The following ATP6V1C1 variants were observed in gnomAD, a reference collection of about 807,000 sequenced individuals.
ATP6V1C1 encodes V-type proton ATPase subunit C 1.
Under a neutral mutation model 53.9 loss-of-function variants are expected in ATP6V1C1, and 45 were observed. The ratio of observed to expected loss-of-function variants is 0.83; its 90% confidence interval spans 0.66 to 1.07. ATP6V1C1 has a LOEUF of 1.07. Ranked by LOEUF, ATP6V1C1 falls within the 50% of genes least tolerant of loss-of-function variation. The pLI is 0.00. For synonymous variants in ATP6V1C1, 153 were observed against 155.2 expected (o/e 0.99, Z 0.11); for missense variants, 315 against 440.3 (o/e 0.72, Z 2.55).
At chr8:103,048,796 T>TA in intron 3 of ATP6V1C1, 74 bp from the exon 4 acceptor site, 1 of 1,256,294 alleles carries the variant, frequency 8.0e-7, no homozygotes, top group South Asian at 1.3e-5. Context: ...TGTCTTTATG[T>TA]AATATGTTCA....
chr8:103,021,602 G>T (rs1306259061), intron 1 of ATP6V1C1, among the ~76,000 whole-genome samples: 3 of 140,402 alleles, frequency 2.1e-5, no homozygotes, highest in Admixed American at 7.1e-5. Flanking sequence ...CACAGCTAGC[G>T]CAAGTGCCTT....
intron 1 of ATP6V1C1, among the ~76,000 whole-genome samples, chr8:103,021,949 C>T (rs954897746): frequency 1.5e-4 from 23 of 152,142 alleles, no homozygotes; most frequent in Admixed American, 1.4e-3. Context: ...GGAAAAATCA[C>T]ATGCTTCAGT....
At chr8:103,036,381 G>A (rs1816899738) in intron 1 of ATP6V1C1, among the ~76,000 whole-genome samples, 1 of 152,108 alleles carries the variant, frequency 6.6e-6, no homozygotes, top group Non-Finnish European at 1.5e-5. Flanking sequence ...TAGGCTCTAG[G>A]GAGGTCTCAG....
chr8:103,060,421 T>C (rs1228512386), intron 8 of ATP6V1C1, among the ~76,000 whole-genome samples: 1 of 152,254 alleles, frequency 6.6e-6, no homozygotes, highest in Non-Finnish European at 1.5e-5. Context: ...GAAACTCCTT[T>C]GAATCCCCTC....
intron 2 of ATP6V1C1, among the ~76,000 whole-genome samples, chr8:103,041,597 C>T (rs1456177342): frequency 6.6e-6 from 1 of 152,048 alleles, no homozygotes; most frequent in Non-Finnish European, 1.5e-5. Flanking sequence ...CTTGGTGGGG[C>T]ATCATGGCTC....
intron 8 of ATP6V1C1, among the ~76,000 whole-genome samples, chr8:103,060,751 G>A (rs1035469465): frequency 1.3e-5 from 2 of 152,142 alleles, no homozygotes; most frequent in African/African-American, 4.8e-5. Context: ...TGGCATAGTA[G>A]GATTTAGTTA....
chr8:103,050,101 A>C (rs1013312678), intron 4 of ATP6V1C1, among the ~76,000 whole-genome samples: 1 of 152,180 alleles, frequency 6.6e-6, no homozygotes, highest in Admixed American at 6.5e-5. Context: ...CTGCTCAATA[A>C]ATTTTTAATC....
chr8:103,043,016 G>A (rs1451611106), intron 3 of ATP6V1C1, among the ~76,000 whole-genome samples: 4 of 151,990 alleles, frequency 2.6e-5, no homozygotes, highest in Non-Finnish European at 5.9e-5. Flanking sequence ...CGTTTATTTT[G>A]TTTCCACTTT....
intron 4 of ATP6V1C1, among the ~76,000 whole-genome samples, chr8:103,049,715 T>A (rs1472837255): frequency 6.6e-6 from 1 of 152,060 alleles, no homozygotes; most frequent in Non-Finnish European, 1.5e-5. Flanking sequence ...GGCAGGAGGA[T>A]CTCTTGAGTG....
At chr8:103,040,492 C>G (rs1816979184) in intron 1 of ATP6V1C1, among the ~76,000 whole-genome samples, 1 of 151,848 alleles carries the variant, frequency 6.6e-6, no homozygotes, top group Admixed American at 6.6e-5. Flanking sequence ...CTATTGGTGG[C>G]TGGTATTTTG....
intron 12 of ATP6V1C1, 84 bp downstream of exon 12, chr8:103,066,531 AG>A: frequency 1.4e-6 from 2 of 1,383,982 alleles, no homozygotes; most frequent in Non-Finnish European, 1.9e-6. Flanking sequence ...CAGAAAAGGG[AG>A]GGTAAGTATG....
chr8:103,057,470 G>A (rs988175747), intron 8 of ATP6V1C1, among the ~76,000 whole-genome samples: 1 of 152,206 alleles, frequency 6.6e-6, no homozygotes, highest in Non-Finnish European at 1.5e-5. Flanking sequence ...CATCTGCCAT[G>A]CAGGAAAGGT....
intron 8 of ATP6V1C1, among the ~76,000 whole-genome samples, chr8:103,062,032 G>C (rs1323984627): frequency 6.6e-6 from 1 of 152,118 alleles, no homozygotes; most frequent in Non-Finnish European, 1.5e-5. Flanking sequence ...TCTTTCTAGT[G>C]ATGTCCATGG....
At chr8:103,059,325 C>T (rs1817350870) in intron 8 of ATP6V1C1, among the ~76,000 whole-genome samples, 1 of 152,204 alleles carries the variant, frequency 6.6e-6, no homozygotes, top group African/African-American at 2.4e-5. Context: ...GCCAGCCTTC[C>T]CCCCAACCAC....
intron 6 of ATP6V1C1, 77 bp from the exon 7 acceptor site, chr8:103,053,807 T>A: frequency 9.4e-7 from 1 of 1,065,686 alleles, no homozygotes; most frequent in South Asian, 1.3e-5. Context: ...TATGTGAAAA[T>A]GATTAGCCTG....
intron 1 of ATP6V1C1, among the ~76,000 whole-genome samples, chr8:103,030,503 C>T (rs370567131): frequency 6.6e-6 from 1 of 152,116 alleles, no homozygotes; most frequent in African/African-American, 2.4e-5. Context: ...CAAATCTGGA[C>T]AAGATATATT....
At chr8:103,053,119 G>A (rs1817228435) in intron 6 of ATP6V1C1, among the ~76,000 whole-genome samples, 1 of 151,830 alleles carries the variant, frequency 6.6e-6, no homozygotes, top group African/African-American at 2.4e-5. Flanking sequence ...AAAATTAATT[G>A]TTTTAAATGA....
rs890019392 is a variant in ATP6V1C1 at position 103,023,348 on chromosome 8, C to T, written c.-40+2123C>T. ...TGGCAAAAGTGAATGAGGGGAGACC[C>T]GCTCAGGGGAACATTGTTGTAATCC... On this transcript the variant is annotated intron_variant, in intron 1 of 12. Transcript: ENST00000518738. Among the ~76,000 whole-genome samples, 9 of 150,902 alleles carry T rather than the reference C, an allele frequency of 6.0e-5. No individual in the cohort carries two copies. In the East Asian group the frequency reaches 7.8e-4, roughly 13 times the overall value.
chr8:103,066,435 A>C lies in ATP6V1C1; in HGVS notation c.1041A>C (p.Ala347=). The C allele has an allele frequency of 3.1e-6, 5 of 1,600,236 alleles. No homozygotes were observed. Among genetic ancestry groups the C allele is most frequent in the Non-Finnish European group, 4.3e-6 (5 of 1,176,270 alleles). Residue 347 remains alanine, a synonymous_variant, in exon 12 of 13, where the codon GCA becomes GCC. Transcript: ENST00000518738. ...ELYKHLDSSA[A]AIIDAPMDIP... is the part of the protein sequence containing the mutation. Reference sequence around the variant, plus strand: ...ATAAACATCTAGACAGCAGTGCAGCAGCTATTATTGATGTAAGTACTTATT... The same window carrying C: ...ATAAACATCTAGACAGCAGTGCAGCCGCTATTATTGATGTAAGTACTTATT...
Sources: allele counts gnomAD v4.1 joint callset (sites outside exome capture counted in the v4.1 genomes callset), GRCh38; gene constraint gnomAD v4.1.1; transcripts MANE v1.5; gene names NCBI Gene and HGNC (gene_info 2026-07-23, HGNC 2026-07-21).